Variants in CNTN3 observed in about 807,000 individuals in gnomAD.
CNTN3 encodes the protein contactin 3, also known as contactin-3.
A neutral mutation model predicts 119.1 loss-of-function variants in CNTN3; 60 were observed. That is an observed-to-expected ratio of 0.50 (90% confidence interval 0.41 to 0.62). CNTN3 has a LOEUF of 0.62. CNTN3 is among the 20% of genes least tolerant of loss of function. CNTN3 has a pLI of 0.00. For synonymous variants in CNTN3, 450 were observed against 438.7 expected, an observed-to-expected ratio of 1.03 and a Z score of -0.32; for missense variants, 1,101 against 1,242.4, an observed-to-expected ratio of 0.89 and a Z score of 1.71.
intron 13 of CNTN3, among the ~76,000 whole-genome samples, chr3:74,323,525 C>T (rs573171160): frequency 6.6e-6 from 1 of 152,174 alleles, no homozygotes; most frequent in South Asian, 2.1e-4. Context: ...CTAACTATTG[C>T]AATGAAAGTA....
At chr3:74,400,862 G>A (rs532383309) in intron 5 of CNTN3, among the ~76,000 whole-genome samples, 93 of 152,222 alleles carry the variant, frequency 6.1e-4, no homozygotes, top group African/African-American at 2.2e-3. Context: ...AAGACTTTAA[G>A]GATTGATTTG....
intron 11 of CNTN3, among the ~76,000 whole-genome samples, chr3:74,354,196 A>G (rs1283203519): frequency 6.6e-6 from 1 of 152,156 alleles, no homozygotes; most frequent in Non-Finnish European, 1.5e-5. Context: ...TTTAATTTTC[A>G]ATAGTATTAA....
intron 1 of CNTN3, among the ~76,000 whole-genome samples, chr3:74,526,245 C>T (rs887285049): frequency 1.3e-5 from 2 of 151,478 alleles, no homozygotes; most frequent in African/African-American, 4.8e-5. Flanking sequence ...AGCTTACCGA[C>T]ATTTATTATA....
chr3:74,264,517 A>G lies in CNTN3; in HGVS notation c.2987-16T>C. On this transcript the variant is annotated splice_polypyrimidine_tract_variant and intron_variant, in intron 22 of 22. Coordinates refer to ENST00000263665, the MANE Select transcript of CNTN3 (RefSeq NM_020872.3). ...GCATCCATACCTGTCAAAGTTGATG[A>G]AGAGCTCATTAATAAGGATTGTACC... 6.6e-7 allele frequency: 1 copy of G among 1,525,052 alleles called. No homozygotes were observed. Among genetic ancestry groups the G allele is most frequent in the Non-Finnish European group, 9.1e-7 (1 of 1,101,768 alleles). 94.5% of individuals were successfully genotyped at this position (1,525,052 alleles called of 1,614,324 possible). A position where few individuals can be genotyped will look rare whatever the true frequency, so the allele number is the denominator to read the frequency against.
chr3:74,493,168 A>G (rs534553561), intron 3 of CNTN3, among the ~76,000 whole-genome samples: 1 of 152,254 alleles, frequency 6.6e-6, no homozygotes, highest in Non-Finnish European at 1.5e-5. Flanking sequence ...TCACAAAACC[A>G]CACTAGCATA....
intron 4 of CNTN3, among the ~76,000 whole-genome samples, chr3:74,465,386 T>C (rs1702443545): frequency 1.3e-5 from 2 of 152,072 alleles, no homozygotes; most frequent in African/African-American, 4.8e-5. Flanking sequence ...TGGGGATTGG[T>C]ACATGATTTA....
At chr3:74,464,384 G>C (rs1702424079) in intron 4 of CNTN3, among the ~76,000 whole-genome samples, 1 of 152,080 alleles carries the variant, frequency 6.6e-6, no homozygotes, top group Non-Finnish European at 1.5e-5. Flanking sequence ...AATATATTCT[G>C]ATTTCTTTTT....
chr3:74,445,174 G>A (rs1168169056), intron 4 of CNTN3, among the ~76,000 whole-genome samples: 1 of 152,148 alleles, frequency 6.6e-6, no homozygotes, highest in Non-Finnish European at 1.5e-5. Flanking sequence ...GAGGTTACAC[G>A]ATGTTTGCAA....
chr3:74,440,290 A>G (rs746009014), intron 4 of CNTN3, among the ~76,000 whole-genome samples: 11 of 152,146 alleles, frequency 7.2e-5, no homozygotes, highest in Non-Finnish European at 1.2e-4. Context: ...TAGTACATAA[A>G]TAGATGTATT....
At position 74,402,420 on chromosome 3, in the gene CNTN3, T is replaced by A. The variant is rs1056852440; in HGVS notation, c.454+22425A>T. Among the ~76,000 whole-genome samples the A allele has an allele frequency of 2.0e-5, 3 of 152,190 alleles. No individual in the cohort carries two copies. In the East Asian group the frequency reaches 5.8e-4, roughly 29 times the overall value. On this transcript the variant is annotated intron_variant, in intron 5 of 22. Transcript: ENST00000263665. ...TGGAACTCATCAATTTCTACCTTAT[T>A]TAGAAGCATTCCTTTTTCTTCTTCT... is the stretch of plus-strand genomic sequence containing the variant.
At chr3:74,497,911 T>C (rs956441856) in intron 3 of CNTN3, among the ~76,000 whole-genome samples, 1 of 151,884 alleles carries the variant, frequency 6.6e-6, no homozygotes, top group Non-Finnish European at 1.5e-5. Context: ...GCACCTGTTA[T>C]TTAAAGACAT....
chr3:74,465,981 T>A (rs1429311610), intron 4 of CNTN3, among the ~76,000 whole-genome samples: 1 of 152,138 alleles, frequency 6.6e-6, no homozygotes, highest in African/African-American at 2.4e-5. Flanking sequence ...TGGATCCAGC[T>A]AGGACTATAG....
At chr3:74,445,491 T>A (rs1339136852) in intron 4 of CNTN3, among the ~76,000 whole-genome samples, 1 of 152,170 alleles carries the variant, frequency 6.6e-6, no homozygotes, top group African/African-American at 2.4e-5. Flanking sequence ...CTTGAACTCC[T>A]GACCTCAAAT....
intron 3 of CNTN3, among the ~76,000 whole-genome samples, chr3:74,491,347 G>A (rs1458249189): frequency 6.7e-6 from 1 of 148,362 alleles, no homozygotes; most frequent in Non-Finnish European, 1.5e-5. Context: ...AAAAAAAAAT[G>A]TGAAAATTAG....
chr3:74,482,780 A>G (rs1702784941), intron 4 of CNTN3, among the ~76,000 whole-genome samples: 1 of 152,180 alleles, frequency 6.6e-6, no homozygotes, highest in Admixed American at 6.6e-5. Flanking sequence ...CAGCAAAGAC[A>G]GTTAAGATTC....
At chr3:74,476,850 G>GT (rs1245896380) in intron 4 of CNTN3, among the ~76,000 whole-genome samples, 1 of 152,058 alleles carries the variant, frequency 6.6e-6, no homozygotes, top group African/African-American at 2.4e-5. Context: ...AATTAATATA[G>GT]TATAGGCTAG....
intron 16 of CNTN3, 40 bp downstream of exon 16, chr3:74,301,358 G>A: frequency 6.3e-7 from 1 of 1,592,086 alleles, no homozygotes; most frequent in Non-Finnish European, 8.6e-7. Flanking sequence ...GAAGTACACA[G>A]AAATCTATTA....
At chr3:74,410,573 T>C (rs1472122304) in intron 5 of CNTN3, among the ~76,000 whole-genome samples, 2 of 152,182 alleles carry the variant, frequency 1.3e-5, no homozygotes, top group African/African-American at 4.8e-5. Flanking sequence ...TTGCTTTAAG[T>C]CTACATGTAT....
At chr3:74,428,474 G>C (rs1004552131) in intron 4 of CNTN3, among the ~76,000 whole-genome samples, 2 of 151,970 alleles carry the variant, frequency 1.3e-5, no homozygotes, top group African/African-American at 4.8e-5. Flanking sequence ...GTTTTTAAAT[G>C]CTTTTGGCAA....
Sources: allele counts gnomAD v4.1 joint callset (sites outside exome capture counted in the v4.1 genomes callset), GRCh38; gene constraint gnomAD v4.1.1; transcripts MANE v1.5; gene names NCBI Gene and HGNC (gene_info 2026-07-23, HGNC 2026-07-21).